Variants in MTUS2 observed in about 807,000 individuals in gnomAD.
MTUS2 encodes microtubule associated scaffold protein 2, also known as microtubule-associated tumor suppressor candidate 2.
Under a neutral mutation model 114.1 loss-of-function variants are expected in MTUS2, and 40 were observed. The observed-to-expected ratio is 0.35, with a 90% confidence interval of 0.27 to 0.46. The LOEUF is 0.46. Ranked by LOEUF, MTUS2 falls within the 20% of genes least tolerant of loss-of-function variation. MTUS2 has a pLI of 1.00. For missense variants in MTUS2, 1,679 were observed against 1,705.4 expected (o/e 0.98, Z 0.27); for synonymous variants, 688 against 672.0 (o/e 1.02, Z -0.37).
At chr13:29,075,847 T>C (rs1208482544) in intron 4 of MTUS2, among the ~76,000 whole-genome samples, 1 of 152,232 alleles carries the variant, frequency 6.6e-6, no homozygotes, top group Non-Finnish European at 1.5e-5. Flanking sequence ...ATTTACCATC[T>C]GGAGAGGCTT....
At chr13:28,871,932 T>C (rs57889303) in intron 2 of MTUS2, among the ~76,000 whole-genome samples, 10,443 of 152,148 alleles carry the variant, frequency 0.069, 1,174 homozygotes, top group African/African-American at 0.23. Flanking sequence ...ACTGGTGAGT[T>C]TGGCCAGACC....
chr13:28,872,142 G>A (rs545505625), intron 2 of MTUS2, among the ~76,000 whole-genome samples: 209 of 152,292 alleles, frequency 1.4e-3, no homozygotes, highest in African/African-American at 4.4e-3. Context: ...CCAGCTGGGA[G>A]GCTCCTGGAG....
At chr13:29,085,409 G>A (rs918738011) in intron 4 of MTUS2, among the ~76,000 whole-genome samples, 1 of 152,116 alleles carries the variant, frequency 6.6e-6, no homozygotes, top group African/African-American at 2.4e-5. Context: ...GTACCCAATA[G>A]GTAGTTTTTA....
chr13:29,373,316 A>G (rs1271369092), intron 8 of MTUS2, among the ~76,000 whole-genome samples: 1 of 152,158 alleles, frequency 6.6e-6, no homozygotes, highest in African/African-American at 2.4e-5. Flanking sequence ...TGTTTTTATT[A>G]TCTCCATGTA....
Position 29,243,077 on chromosome 13 carries a change from C to T in MTUS2, c.2645-38627C>T, listed in dbSNP as rs141350802. 5.7e-3 allele frequency among the ~76,000 whole-genome samples: 866 copies of T among 152,220 alleles called. 6 individuals are homozygous for T. The highest frequency in any genetic ancestry group is 0.019 in the African/African-American group (778 of 41,514). On this transcript the variant is annotated intron_variant, in intron 5 of 15. Transcript: ENST00000612955. ...AGATCGAATCTGAGATACTATGGGA[C>T]GCTTGAGGAGAAATTTTCAACGGGT... is the stretch of plus-strand genomic sequence containing the variant.
chr13:29,137,798 T>G (rs1345292667), intron 5 of MTUS2, among the ~76,000 whole-genome samples: 4 of 148,384 alleles, frequency 2.7e-5, no homozygotes, highest in African/African-American at 9.8e-5. Flanking sequence ...TTTTTTTTTT[T>G]TGTATCTTTA....
At chr13:29,282,926 A>G (rs150213084) in intron 6 of MTUS2, among the ~76,000 whole-genome samples, 20 of 152,288 alleles carry the variant, frequency 1.3e-4, no homozygotes, top group Non-Finnish European at 1.8e-4. Context: ...GATTTATTCA[A>G]TCATTCCTTC....
chr13:28,842,772 A>G (rs1011242241), intron 2 of MTUS2, among the ~76,000 whole-genome samples: 5 of 152,230 alleles, frequency 3.3e-5, no homozygotes, highest in African/African-American at 1.2e-4. Context: ...GATTAGGTAT[A>G]GAGCACCATG....
At chr13:29,229,145 TGGCTC>T (rs1896227088) in intron 5 of MTUS2, among the ~76,000 whole-genome samples, 2 of 152,174 alleles carry the variant, frequency 1.3e-5, no homozygotes, top group South Asian at 4.1e-4. Context: ...TGGTTTCTGC[TGGCTC>T]CCCTGTCTTT....
rs1442900990 is a variant in MTUS2 at position 29,389,421 on chromosome 13, A to G, written c.3117+29948A>G. 2.4e-4 allele frequency among the ~76,000 whole-genome samples: 24 copies of G among 99,792 alleles called. 2 individuals are homozygous for G. The highest frequency in any genetic ancestry group is 3.7e-4 in the Non-Finnish European group (17 of 45,958). 65.5% of individuals were successfully genotyped at this position (99,792 alleles called of 152,430 possible). On this transcript the variant is annotated intron_variant, in intron 8 of 15. Transcript: ENST00000612955. ...TATATATGTATACACGTGTGTGTGT[A>G]TGTATACACGTGTGTGTATGTGTAT...
intron 5 of MTUS2, among the ~76,000 whole-genome samples, chr13:29,138,461 G>T (rs971055896): frequency 3.4e-5 from 5 of 147,550 alleles, no homozygotes; most frequent in African/African-American, 4.9e-5. Flanking sequence ...ATAAATAAAA[G>T]ATATGTATAT....
At chr13:29,472,627 T>C (rs1164148239) in intron 9 of MTUS2, among the ~76,000 whole-genome samples, 3 of 152,210 alleles carry the variant, frequency 2.0e-5, no homozygotes, top group African/African-American at 7.2e-5. Context: ...ATAAAGATGC[T>C]CATAATATCT....
intron 2 of MTUS2, among the ~76,000 whole-genome samples, chr13:28,951,032 A>T (rs1882783819): frequency 6.6e-6 from 1 of 152,200 alleles, no homozygotes. Flanking sequence ...TGATGCAATG[A>T]TCTTATATCT....
intron 5 of MTUS2, among the ~76,000 whole-genome samples, chr13:29,211,901 G>A (rs1340233887): frequency 1.3e-5 from 2 of 152,100 alleles, no homozygotes; most frequent in African/African-American, 4.8e-5. Flanking sequence ...AAAGTTCACA[G>A]TGTGTCTCCA....
intron 8 of MTUS2, among the ~76,000 whole-genome samples, chr13:29,435,830 G>A (rs549182295): frequency 1.3e-4 from 20 of 152,316 alleles, no homozygotes; most frequent in South Asian, 1.0e-3. Flanking sequence ...GCCAAACTGC[G>A]CAGGCTGGCC....
At chr13:28,966,746 A>AAAAAAAAG (rs1883611896) in intron 2 of MTUS2, among the ~76,000 whole-genome samples, 1 of 144,274 alleles carries the variant, frequency 6.9e-6, no homozygotes, top group Non-Finnish European at 1.5e-5. Context: ...AAAAAAAAAA[A>AAAAAAAAG]AACAAAGAAC....
intron 3 of MTUS2, among the ~76,000 whole-genome samples, chr13:29,031,843 C>T (rs978512200): frequency 3.9e-5 from 6 of 152,050 alleles, no homozygotes; most frequent in Non-Finnish European, 8.8e-5. Context: ...AAGCCTTCAC[C>T]TGTACCCTCT....
intron 12 of MTUS2, among the ~76,000 whole-genome samples, chr13:29,495,940 A>C (rs1882525280): frequency 6.6e-6 from 1 of 151,652 alleles, no homozygotes; most frequent in Non-Finnish European, 1.5e-5. Context: ...GTGTGTATCT[A>C]TATATCTATA....
chr13:29,024,579 G>T lies in MTUS2; in HGVS notation c.-120G>T. The T allele has an allele frequency of 1.6e-6, 2 of 1,229,828 alleles. No homozygotes were observed. The highest frequency in any genetic ancestry group is 2.9e-5 in the South Asian group (2 of 68,204). The allele number at this position is 1,229,828 out of a possible 1,614,324, so 76.2% of individuals were successfully genotyped here. On this transcript the variant is annotated 5_prime_UTR_variant, in exon 3 of 16. Coordinates refer to ENST00000612955, the MANE Select transcript of MTUS2 (RefSeq NM_001033602.4). Reference sequence around the variant, plus strand: ...AATGATTAAAGCAGTGTCGCAAGGTGACATTGTCAGGGGAGAACAAGCAGC... The same window carrying T: ...AATGATTAAAGCAGTGTCGCAAGGTTACATTGTCAGGGGAGAACAAGCAGC...
Sources: allele counts gnomAD v4.1 joint callset (sites outside exome capture counted in the v4.1 genomes callset), GRCh38; gene constraint gnomAD v4.1.1; transcripts MANE v1.5; gene names NCBI Gene and HGNC (gene_info 2026-07-23, HGNC 2026-07-21).